ENOX1: variants seen among roughly 807,000 people sequenced by gnomAD.
The protein encoded by ENOX1 is ecto-NOX disulfide-thiol exchanger 1, also known as candidate growth-related and time keeping constitutive hydroquinone (NADH) oxidase.
ENOX1 carries 42 observed loss-of-function variants against 82.5 expected under a neutral mutation model. The observed-to-expected ratio is 0.51, with a 90% confidence interval of 0.40 to 0.66. The LOEUF (loss-of-function observed/expected upper bound fraction) is 0.66, where lower values mean the gene tolerates loss of function less well. Ranked by LOEUF, ENOX1 falls within the 30% of genes least tolerant of loss-of-function variation. The probability of loss-of-function intolerance (pLI) is 0.00; values close to 1 mark genes in which losing one functional copy is unlikely to be tolerated. For missense variants in ENOX1, 608 were observed against 811.6 expected, an observed-to-expected ratio of 0.75 and a Z score of 3.05; for synonymous variants, 271 against 282.2, an observed-to-expected ratio of 0.96 and a Z score of 0.40.
At chr13:43,616,171 T>TAGATAG (rs373367551) in intron 2 of ENOX1, among the ~76,000 whole-genome samples, 36 of 6,796 alleles carry the variant, frequency 5.3e-3, no homozygotes, top group East Asian at 0.042. Flanking sequence ...TCTATCTATC[T>TAGATAG]ATCTATCTAT....
At chr13:43,452,196 C>T (rs1475265847) in intron 3 of ENOX1, among the ~76,000 whole-genome samples, 3 of 152,192 alleles carry the variant, frequency 2.0e-5, no homozygotes, top group East Asian at 1.9e-4. Flanking sequence ...CAGGTATACA[C>T]GTGCCACGGT....
chr13:43,467,507 T>G (rs977864019), intron 3 of ENOX1, among the ~76,000 whole-genome samples: 1 of 127,770 alleles, frequency 7.8e-6, no homozygotes, highest in South Asian at 2.6e-4. Flanking sequence ...ACAAATGTTA[T>G]TTTAAAATTT....
chr13:43,628,288 G>T (rs1003380427), intron 2 of ENOX1, among the ~76,000 whole-genome samples: 5 of 151,996 alleles, frequency 3.3e-5, no homozygotes, highest in African/African-American at 9.7e-5. Flanking sequence ...TTCATTATTT[G>T]CTTATCATTA....
rs374722218 is a variant in ENOX1, at chr13:43,639,173, G to A, written c.-219+28306C>T. 7.0e-4 allele frequency among the ~76,000 whole-genome samples: 107 copies of A among 152,172 alleles called. 1 individual carries two copies. The South Asian group carries it at 0.02, about 28-fold the overall frequency. ...ACAAAAAATTAGCTGGCCATGGTGG[G>A]CGCCTGTAATCCCAGCTACTCAGGA... On this transcript the variant is annotated intron_variant, in intron 2 of 16. Coordinates refer to ENST00000690772, the MANE Select transcript of ENOX1 (RefSeq NM_001347969.2).
In ENOX1 at chr13:43,697,593, T is replaced by C. The variant is rs553498500; in HGVS notation, c.-284-30049A>G. On this transcript the variant is annotated intron_variant, in intron 1 of 16. Transcript: ENST00000690772. ...CACAGGCTAGCCATATCAGGACAGA[T>C]CACCTGCCACGGGATCAGGAGATGA... 5.9e-5 allele frequency among the ~76,000 whole-genome samples: 9 copies of C among 152,214 alleles called. No individual in the cohort carries two copies. In the South Asian group the frequency reaches 1.9e-3, roughly 32 times the overall value.
At position 43,437,703 on chromosome 13, in the gene ENOX1, T is replaced by C. The variant is rs1389875882; in HGVS notation, c.-74-24715A>G. Among the ~76,000 whole-genome samples, 9 of 152,178 alleles carry C rather than the reference T, an allele frequency of 5.9e-5. No homozygotes were observed. The South Asian group carries it at 1.7e-3, about 28-fold the overall frequency. ...ATGGTTAGGGTTTATGGCGGACCGATTTCAGGGTCATCCATTCTTTTTCCC... is the reference window on the plus strand; with the variant it reads ...ATGGTTAGGGTTTATGGCGGACCGACTTCAGGGTCATCCATTCTTTTTCCC... On this transcript the variant is annotated intron_variant, in intron 3 of 16. Coordinates refer to ENST00000690772, the MANE Select transcript of ENOX1 (RefSeq NM_001347969.2).
At chr13:43,314,498 T>C (rs1314681952) in intron 11 of ENOX1, among the ~76,000 whole-genome samples, 1 of 152,212 alleles carries the variant, frequency 6.6e-6, no homozygotes, top group Non-Finnish European at 1.5e-5. Context: ...TGCAACAGTG[T>C]TAGGAGTCAA....
intron 5 of ENOX1, among the ~76,000 whole-genome samples, chr13:43,383,995 C>G (rs915505251): frequency 6.6e-6 from 1 of 152,198 alleles, no homozygotes; most frequent in South Asian, 2.1e-4. Context: ...TGAGACTGAT[C>G]GGCAGTGAAG....
At chr13:43,778,806 C>T (rs1952073928) in intron 1 of ENOX1, among the ~76,000 whole-genome samples, 1 of 152,290 alleles carries the variant, frequency 6.6e-6, no homozygotes, top group Middle Eastern at 3.4e-3. Context: ...ATTCCCAGCC[C>T]TTTCAGGGGT....
At chr13:43,674,571 G>T (rs2085417474) in intron 1 of ENOX1, among the ~76,000 whole-genome samples, 1 of 152,144 alleles carries the variant, frequency 6.6e-6, no homozygotes, top group Non-Finnish European at 1.5e-5. Flanking sequence ...GGCTGCCAGG[G>T]GTTGTGGGGG....
intron 5 of ENOX1, among the ~76,000 whole-genome samples, chr13:43,381,056 C>T (rs1483135595): frequency 6.6e-6 from 1 of 151,760 alleles, no homozygotes; most frequent in Non-Finnish European, 1.5e-5. Context: ...ACCAATTTGA[C>T]CTAACTGACA....
At position 43,573,037 on chromosome 13, in the gene ENOX1, T is replaced by C. The variant is rs181297692; in HGVS notation, c.-218-88885A>G. Among the ~76,000 whole-genome samples, 64 of 152,332 alleles carry C rather than the reference T, an allele frequency of 4.2e-4. 1 individual carries two copies. The East Asian group carries it at 8.1e-3, about 19-fold the overall frequency. On this transcript the variant is annotated intron_variant, in intron 2 of 16. Transcript: ENST00000690772. ...CTCATAGGGACAGTGAAGGATCTCATTGGTACTGAAAATATAAGGCATTCC... is the reference window on the plus strand; with the variant it reads ...CTCATAGGGACAGTGAAGGATCTCACTGGTACTGAAAATATAAGGCATTCC...
chr13:43,763,433 G>A (rs7321106), intron 1 of ENOX1, among the ~76,000 whole-genome samples: 8 of 151,970 alleles, frequency 5.3e-5, no homozygotes, highest in Non-Finnish European at 1.0e-4. Context: ...TCTAATTACC[G>A]GTGGATTAGG....
rs187174570 is a variant in ENOX1 at position 43,622,613 on chromosome 13, T to C, written c.-219+44866A>G. Among the ~76,000 whole-genome samples the C allele has an allele frequency of 1.0e-3, 159 of 152,280 alleles. 1 individual carries two copies. Among genetic ancestry groups the C allele is most frequent in the Non-Finnish European group, 2.0e-3 (135 of 68,020 alleles). ...GTGATGTGAACCATCTATGGGTCTC[T>C]CAGCTGGGATACCAGTGCCTGTTCT... On this transcript the variant is annotated intron_variant, in intron 2 of 16. Transcript: ENST00000690772.
intron 1 of ENOX1, among the ~76,000 whole-genome samples, chr13:43,738,796 G>A (rs2089755056): frequency 6.6e-6 from 1 of 152,034 alleles, no homozygotes; most frequent in South Asian, 2.1e-4. Flanking sequence ...AATTATTAAG[G>A]AGGTCCAGCA....
At position 43,345,460 on chromosome 13, in the gene ENOX1, T is replaced by C. The variant is rs1376515138; in HGVS notation, c.824-710A>G. On this transcript the variant is annotated intron_variant, in intron 8 of 16. Coordinates refer to ENST00000690772, the MANE Select transcript of ENOX1 (RefSeq NM_001347969.2). ...ATCTGAACCCAGTTTGAGATGTATG[T>C]GCATGGTGTGGCGGGGGGATAGGAA... 8.6e-5 allele frequency among the ~76,000 whole-genome samples: 13 copies of C among 151,958 alleles called. No homozygotes were observed. In the East Asian group the frequency reaches 2.3e-3, roughly 27 times the overall value.
chr13:43,589,113 A>C (rs2081121194), intron 2 of ENOX1, among the ~76,000 whole-genome samples: 1 of 151,978 alleles, frequency 6.6e-6, no homozygotes, highest in Non-Finnish European at 1.5e-5. Flanking sequence ...CAAAAGATGA[A>C]ACCTACAAAC....
intron 5 of ENOX1, among the ~76,000 whole-genome samples, chr13:43,365,390 G>A (rs2050783277): frequency 6.6e-6 from 1 of 152,212 alleles, no homozygotes; most frequent in African/African-American, 2.4e-5. Flanking sequence ...GAAAGAGGCA[G>A]TAATCAGGCT....
chr13:43,307,469 C>A (rs1264830501), intron 11 of ENOX1, among the ~76,000 whole-genome samples: 1 of 152,158 alleles, frequency 6.6e-6, no homozygotes, highest in Non-Finnish European at 1.5e-5. Context: ...ACCTCCCTGG[C>A]CTTTAGGGAC....
Sources: allele counts gnomAD v4.1 joint callset (sites outside exome capture counted in the v4.1 genomes callset), GRCh38; gene constraint gnomAD v4.1.1; transcripts MANE v1.5; gene names NCBI Gene and HGNC (gene_info 2026-07-23, HGNC 2026-07-21).